The following SH3BGRL variants were observed in gnomAD, a reference collection of about 807,000 sequenced individuals.
SH3BGRL encodes the protein SH3 domain binding glutamate rich protein like.
A neutral mutation model predicts 9.8 loss-of-function variants in SH3BGRL; 7 were observed. The ratio of observed to expected loss-of-function variants is 0.72; its 90% confidence interval spans 0.41 to 1.35. The LOEUF is 1.35. Ranked by LOEUF, SH3BGRL falls within the 40% of genes most tolerant of loss-of-function variation. The pLI is 0.01. For synonymous variants in SH3BGRL, 36 were observed against 29.1 expected (o/e 1.24, Z -0.76); for missense variants, 73 against 84.4 (o/e 0.86, Z 0.53).
At chrX:81,268,900 C>T (rs1463778498) in intron 1 of SH3BGRL, among the ~76,000 whole-genome samples, 1 of 111,726 alleles carries the variant, frequency 9.0e-6, no homozygotes, top group South Asian at 3.8e-4. Context: ...TCTGGCTGCT[C>T]CTGTACTGAG....
At chrX:81,233,340 CTT>C (rs2147681360) in intron 1 of SH3BGRL, among the ~76,000 whole-genome samples, 1 of 111,959 alleles carries the variant, frequency 8.9e-6, no homozygotes, top group Non-Finnish European at 1.9e-5. Context: ...TACAATAACT[CTT>C]GTTTCTCCCT....
intron 1 of SH3BGRL, among the ~76,000 whole-genome samples, chrX:81,203,163 T>G (rs1485231980): frequency 8.9e-6 from 1 of 112,278 alleles, no homozygotes; most frequent in Non-Finnish European, 1.9e-5. Flanking sequence ...GTGCTTCTGC[T>G]TTTTACAACT....
chrX:81,228,714 C>A (rs777935210), intron 1 of SH3BGRL, among the ~76,000 whole-genome samples: 27 of 111,412 alleles, frequency 2.4e-4, no homozygotes, highest in Non-Finnish European at 4.0e-4. Flanking sequence ...TATTTTTGGT[C>A]TACAGTATAT....
At chrX:81,263,942 G>T (rs763980826) in intron 1 of SH3BGRL, among the ~76,000 whole-genome samples, 1 of 109,718 alleles carries the variant, frequency 9.1e-6, no homozygotes, top group Non-Finnish European at 1.9e-5. Flanking sequence ...GTGCTGTATT[G>T]TTCTCGGTGT....
intron 1 of SH3BGRL, among the ~76,000 whole-genome samples, chrX:81,233,315 G>A (rs1231146050): frequency 1.8e-5 from 2 of 112,059 alleles, no homozygotes; most frequent in Non-Finnish European, 3.8e-5. Context: ...CATACGTAGA[G>A]CTTTGTAGAC....
intron 3 of SH3BGRL, among the ~76,000 whole-genome samples, chrX:81,281,508 C>T (rs188711746): frequency 1.2e-4 from 13 of 112,103 alleles, no homozygotes; most frequent in African/African-American, 3.9e-4. Context: ...GATTAAGGCC[C>T]TATCTTCAGC....
chrX:81,265,301 G>C (rs1255186113), intron 1 of SH3BGRL, among the ~76,000 whole-genome samples: 1 of 105,593 alleles, frequency 9.5e-6, no homozygotes, highest in African/African-American at 3.5e-5. Context: ...ATGGTGATTT[G>C]CTGCACCCAT....
At chrX:81,278,077 C>T (rs1427525117) in intron 2 of SH3BGRL, among the ~76,000 whole-genome samples, 5 of 111,683 alleles carry the variant, frequency 4.5e-5, no homozygotes, top group Admixed American at 9.5e-5. Context: ...ATTCTCCTGC[C>T]GCAACCTTCC....
chrX:81,275,821 T>G (rs759938944), intron 1 of SH3BGRL, among the ~76,000 whole-genome samples: 1 of 111,930 alleles, frequency 8.9e-6, no homozygotes, highest in Non-Finnish European at 1.9e-5. Flanking sequence ...CCCGAGTTTA[T>G]GTGATGAGAG....
At chrX:81,209,110 C>A (rs1023466076) in intron 1 of SH3BGRL, among the ~76,000 whole-genome samples, 1 of 105,867 alleles carries the variant, frequency 9.4e-6, no homozygotes, top group Non-Finnish European at 1.9e-5. Context: ...CAGGCTCAAG[C>A]GATCTTCCTG....
Position 81,202,189 on chromosome X carries a change from G to T in SH3BGRL, c.-12G>T, listed in dbSNP as rs372934032. On this transcript the variant is annotated 5_prime_UTR_variant, in exon 1 of 4. Coordinates refer to ENST00000373212, the MANE Select transcript of SH3BGRL (RefSeq NM_003022.3). The stretch of plus-strand genomic sequence containing the variant: ...TTTCAGGACCCAAACAACCGCAGCC[G>T]CTGTTCCCAGGATGGTGATCCGTGT... 2.5e-6 allele frequency: 3 copies of T among 1,205,785 alleles called. No homozygotes were observed. Among genetic ancestry groups the T allele is most frequent in the African/African-American group, 3.5e-5 (2 of 56,824 alleles).
At chrX:81,253,898 G>A (rs1457654239) in intron 1 of SH3BGRL, among the ~76,000 whole-genome samples, 3 of 111,640 alleles carry the variant, frequency 2.7e-5, no homozygotes, top group African/African-American at 9.8e-5. Context: ...CCAGTATAAA[G>A]GATTCAGATT....
chrX:81,243,544 AT>A (rs935457933), intron 1 of SH3BGRL, among the ~76,000 whole-genome samples: 16 of 111,490 alleles, frequency 1.4e-4, no homozygotes, highest in African/African-American at 4.9e-4. Context: ...GTATAATTGT[AT>A]TGTTTATAGC....
chrX:81,292,284 C>A (rs1457019663), intron 3 of SH3BGRL, among the ~76,000 whole-genome samples: 2 of 112,087 alleles, frequency 1.8e-5, no homozygotes, highest in East Asian at 5.6e-4. Flanking sequence ...GCCTGCTGTA[C>A]CCCCACAGCC....
At chrX:81,242,108 A>G (rs2075672036) in intron 1 of SH3BGRL, among the ~76,000 whole-genome samples, 1 of 112,631 alleles carries the variant, frequency 8.9e-6, no homozygotes, top group Non-Finnish European at 1.9e-5. Context: ...AGGTGCTGCC[A>G]GCTACAGAGT....
intron 1 of SH3BGRL, among the ~76,000 whole-genome samples, chrX:81,206,487 G>A (rs2075548387): frequency 8.9e-6 from 1 of 111,872 alleles, no homozygotes; most frequent in Non-Finnish European, 1.9e-5. Context: ...CAGTTGGTAA[G>A]CCATAGAGCT....
intron 1 of SH3BGRL, among the ~76,000 whole-genome samples, chrX:81,213,493 T>C (rs997335783): frequency 2.7e-5 from 3 of 112,392 alleles, no homozygotes; most frequent in African/African-American, 9.7e-5. Flanking sequence ...TCCTAAATAT[T>C]TCCTTAAGCT....
intron 1 of SH3BGRL, among the ~76,000 whole-genome samples, chrX:81,267,698 G>A (rs1305514205): frequency 1.8e-5 from 2 of 111,679 alleles, no homozygotes; most frequent in African/African-American, 6.5e-5. Context: ...CCCTGCTTTG[G>A]TGTCAGGATG....
At position 81,206,320 on chromosome X, in the gene SH3BGRL, C is replaced by T. The variant is rs1413713224; in HGVS notation, c.45+4075C>T. On this transcript the variant is annotated intron_variant, in intron 1 of 3. Coordinates refer to ENST00000373212, the MANE Select transcript of SH3BGRL (RefSeq NM_003022.3). ...ATGTAATGGACTTCTTGATGGTAACCATAATAATGATAGTCAGTAGAAGCC... is the reference window on the plus strand; with the variant it reads ...ATGTAATGGACTTCTTGATGGTAACTATAATAATGATAGTCAGTAGAAGCC... Among the ~76,000 whole-genome samples, 3 of 111,413 alleles carry T rather than the reference C, an allele frequency of 2.7e-5. No individual in the cohort carries two copies. In the Admixed American group the frequency reaches 2.9e-4, roughly 11 times the overall value.
Sources: allele counts gnomAD v4.1 joint callset (sites outside exome capture counted in the v4.1 genomes callset), GRCh38; gene constraint gnomAD v4.1.1; transcripts MANE v1.5; gene names NCBI Gene and HGNC (gene_info 2026-07-23, HGNC 2026-07-21).